Variants in UBR1 observed in about 807,000 individuals in gnomAD.
UBR1 encodes ubiquitin protein ligase E3 component n-recognin 1.
A neutral mutation model predicts 242.1 loss-of-function variants in UBR1; 102 were observed. The observed-to-expected ratio is 0.42, with a 90% CI of 0.36 to 0.50. UBR1 has a LOEUF of 0.50. UBR1 is among the 20% of genes least tolerant of loss of function. The pLI is 0.01. For synonymous variants in UBR1, 675 were observed against 684.8 expected (o/e 0.99, Z 0.22); for missense variants, 1,772 against 2,101.8 (o/e 0.84, Z 3.07).
chr15:43,017,074 AGTGTT>A lies in UBR1; in HGVS notation c.3027+16_3027+20del. On this transcript the variant is annotated intron_variant, in intron 28 of 46. Transcript: ENST00000290650. ...CAGAGATGAATGTCACCATTACTACAGTGTTATTACAGTGTCATACCTCATCATTC... is the reference window on the plus strand; with the variant it reads ...CAGAGATGAATGTCACCATTACTACAATTACAGTGTCATACCTCATCATTC... The A allele has an allele frequency of 6.3e-7, 1 of 1,576,416 alleles. No individual in the cohort carries two copies. Among genetic ancestry groups the A allele is most frequent in the Non-Finnish European group, 8.7e-7 (1 of 1,146,104 alleles).
rs139968619 is a variant in UBR1 at position 43,015,053 on chromosome 15, G to A, written c.3209+635C>T. 9.9e-3 allele frequency among the ~76,000 whole-genome samples: 1,496 copies of A among 151,758 alleles called. 24 individuals are homozygous for A. Among genetic ancestry groups the A allele is most frequent in the African/African-American group, 0.034 (1,404 of 41,400 alleles). ...CAGCCCCCGCCCGGCCAGCCACCCC[G>A]TCCGGGAGGTGGGGGGCACCTCGGC... On this transcript the variant is annotated intron_variant, in intron 29 of 46. Transcript: ENST00000290650.
chr15:43,014,338 C>A (rs977334261), intron 29 of UBR1, among the ~76,000 whole-genome samples: 17 of 151,984 alleles, frequency 1.1e-4, no homozygotes, highest in South Asian at 8.3e-4. Flanking sequence ...TCTGCCTGGC[C>A]GCGCATCGTC....
At chr15:43,074,291 T>C (rs1567144239) in intron 4 of UBR1, among the ~76,000 whole-genome samples, 1 of 152,222 alleles carries the variant, frequency 6.6e-6, no homozygotes, top group African/African-American at 2.4e-5. Context: ...GACTGGGATA[T>C]ATCTATGTAA....
At chr15:43,045,506 G>A (rs1023458847) in intron 14 of UBR1, among the ~76,000 whole-genome samples, 5 of 151,984 alleles carry the variant, frequency 3.3e-5, no homozygotes, top group Admixed American at 6.6e-5. Flanking sequence ...AGACACACAC[G>A]TGTAAGATCT....
intron 6 of UBR1, 108 bp downstream of exon 6, chr15:43,067,790 G>A (rs1163022019): frequency 2.3e-6 from 3 of 1,309,628 alleles, no homozygotes; most frequent in Non-Finnish European, 1.1e-6. Context: ...AGGAATAAAT[G>A]GAGAGGATGG....
chr15:43,019,253 C>T (rs1283262802), intron 27 of UBR1, among the ~76,000 whole-genome samples: 54 of 151,912 alleles, frequency 3.6e-4, no homozygotes, highest in Admixed American at 2.8e-3. Flanking sequence ...TTAGTAGAGA[C>T]GGGGTTTCAC....
chr15:43,036,098 A>G (rs2033331683), intron 19 of UBR1, 80 bp downstream of exon 19: 2 of 1,279,700 alleles, frequency 1.6e-6, no homozygotes. Flanking sequence ...ATATGGCTAA[A>G]TATGACTGAA....
intron 42 of UBR1, among the ~76,000 whole-genome samples, chr15:42,963,453 G>A (rs2032054172): frequency 6.6e-6 from 1 of 152,080 alleles, no homozygotes; most frequent in African/African-American, 2.4e-5. Flanking sequence ...GTAACCAATA[G>A]GGTAAAAAGT....
At chr15:43,052,974 A>G (rs1306800476) in intron 12 of UBR1, among the ~76,000 whole-genome samples, 2 of 152,238 alleles carry the variant, frequency 1.3e-5, no homozygotes, top group East Asian at 3.8e-4. Context: ...GTAAGATTAT[A>G]TCAAGTACCT....
chr15:43,017,007 AC>A, intron 28 of UBR1, 87 bp downstream of exon 28: 5 of 994,618 alleles, frequency 5.0e-6, no homozygotes, highest in Non-Finnish European at 7.9e-6. Context: ...GTTTCTCCTA[AC>A]AAAAAAGCAG....
chr15:43,025,325 G>A, intron 24 of UBR1, 56 bp downstream of exon 24: 1 of 1,524,202 alleles, frequency 6.6e-7, no homozygotes, highest in Non-Finnish European at 9.0e-7. Context: ...ATGCTTTGCT[G>A]ATGTGAAACC....
chr15:43,049,434 G>A (rs1005539596), intron 12 of UBR1, among the ~76,000 whole-genome samples: 1 of 152,050 alleles, frequency 6.6e-6, no homozygotes, highest in African/African-American at 2.4e-5. Flanking sequence ...GTGGTGGCGG[G>A]TGCCTGTAGT....
intron 1 of UBR1, among the ~76,000 whole-genome samples, chr15:43,093,789 C>CAAA (rs1315846986): frequency 8.7e-6 from 1 of 115,196 alleles, no homozygotes; most frequent in African/African-American, 3.6e-5. Flanking sequence ...GGCTCCGTCT[C>CAAA]CAAAAAAAAA....
intron 6 of UBR1, among the ~76,000 whole-genome samples, chr15:43,062,921 C>T (rs2033706238): frequency 6.6e-6 from 1 of 151,910 alleles, no homozygotes; most frequent in Non-Finnish European, 1.5e-5. Context: ...AAATTATTTC[C>T]AAGTGATTTC....
intron 38 of UBR1, 89 bp downstream of exon 38, chr15:42,977,791 T>C (rs906921197): frequency 8.5e-7 from 1 of 1,176,658 alleles, no homozygotes; most frequent in African/African-American, 1.5e-5. Flanking sequence ...AAAGAATTTA[T>C]AATCTTGAAC....
intron 42 of UBR1, among the ~76,000 whole-genome samples, chr15:42,960,957 C>T (rs1414481166): frequency 1.3e-5 from 2 of 151,938 alleles, no homozygotes; most frequent in Non-Finnish European, 2.9e-5. Context: ...GACGAGGTTT[C>T]CCATGTTGGC....
intron 4 of UBR1, among the ~76,000 whole-genome samples, 181 bp from the exon 5 acceptor site, chr15:43,071,106 T>G (rs1440625669): frequency 6.6e-6 from 1 of 152,188 alleles, no homozygotes; most frequent in African/African-American, 2.4e-5. Context: ...TAACCCCTTG[T>G]GGCCAAGTTG....
At position 42,976,609 on chromosome 15, in the gene UBR1, C is replaced by A. The variant is rs563669014; in HGVS notation, c.4369+108G>T. The A allele has an allele frequency of 3.6e-6, 5 of 1,376,802 alleles. No individual in the cohort carries two copies. The African/African-American group carries it at 7.3e-5, about 20-fold the overall frequency. The allele number at this position is 1,376,802 out of a possible 1,614,324, so 85.3% of individuals were successfully genotyped here. A position where few individuals can be genotyped will look rare whatever the true frequency, so the allele number is the denominator to read the frequency against. On this transcript the variant is annotated intron_variant, in intron 39 of 46. Coordinates refer to ENST00000290650, the MANE Select transcript of UBR1 (RefSeq NM_174916.3). ...AAACAGATAATCATTCAACAAAAAA[C>A]ATAACACAGAACCTAGAAATACATT...
intron 3 of UBR1, among the ~76,000 whole-genome samples, chr15:43,076,137 A>T (rs573654064): frequency 7.4e-6 from 1 of 134,924 alleles, no homozygotes; most frequent in Admixed American, 8.4e-5. Context: ...GCCACGCCTG[A>T]CTGGTTTTCG....
Sources: gnomAD v4.1 joint callset for allele counts (sites outside exome capture counted in the v4.1 genomes callset) on GRCh38, gnomAD v4.1.1 for gene constraint, MANE v1.5 for transcripts, NCBI Gene and HGNC (gene_info 2026-07-23, HGNC 2026-07-21) for gene names.